The following ACTR3C variants were observed in gnomAD, a reference collection of about 807,000 sequenced individuals.
The protein encoded by ACTR3C is actin-related protein 3C.
In ACTR3C, 18 loss-of-function variants were observed where a neutral mutation model predicts 26.3. That is an observed-to-expected ratio of 0.68 (90% CI 0.47 to 1.01). ACTR3C has a LOEUF of 1.01. Ranked by LOEUF, ACTR3C falls within the 50% of genes least tolerant of loss-of-function variation. ACTR3C has a pLI of 0.00. For synonymous variants in ACTR3C, 55 were observed against 94.5 expected, an observed-to-expected ratio of 0.58 and a Z score of 2.42; for missense variants, 184 against 250.7, an observed-to-expected ratio of 0.73 and a Z score of 1.80.
chr7:150,166,696 T>TA, the ACTR3C span, among the ~76,000 whole-genome samples: 256 of 141,912 alleles, frequency 1.8e-3, 2 homozygotes, highest in South Asian at 2.2e-3. Flanking sequence ...TAGATTCCAT[T>TA]AAAAAAAAAA....
the ACTR3C span, among the ~76,000 whole-genome samples, chr7:150,050,065 C>G: frequency 6.6e-6 from 1 of 152,008 alleles, no homozygotes; most frequent in Non-Finnish European, 1.5e-5. Context: ...AAACCTTGCT[C>G]TCAACCCCCT....
chr7:149,967,127 T>TG, the ACTR3C span, among the ~76,000 whole-genome samples: 8 of 135,014 alleles, frequency 5.9e-5, no homozygotes, highest in Non-Finnish European at 1.1e-4. Flanking sequence ...CTCCGCCTCC[T>TG]GGGTTTGTGC....
chr7:150,154,967 T>A, the ACTR3C span, among the ~76,000 whole-genome samples: 37 of 152,250 alleles, frequency 2.4e-4, no homozygotes, highest in Admixed American at 1.2e-3. Context: ...ATCCTGTCCC[T>A]CCCCTGGCCC....
the ACTR3C span, among the ~76,000 whole-genome samples, chr7:150,164,421 C>T: frequency 6.6e-6 from 1 of 152,202 alleles, no homozygotes; most frequent in Non-Finnish European, 1.5e-5. Context: ...GTCCCTGACA[C>T]ATTAAACATG....
At chr7:150,025,748 C>A in the ACTR3C span, among the ~76,000 whole-genome samples, 1 of 152,120 alleles carries the variant, frequency 6.6e-6, no homozygotes, top group Non-Finnish European at 1.5e-5. Context: ...GTCATGGGTA[C>A]AACCGGCTTA....
the ACTR3C span, among the ~76,000 whole-genome samples, chr7:150,174,249 C>T: frequency 3.2e-3 from 442 of 139,230 alleles, 32 homozygotes; most frequent in Middle Eastern, 7.0e-3. Flanking sequence ...ACATGGCTGG[C>T]GGGAGGCCTC....
chr7:150,299,913 T>C (rs1165583984), intron 1 of ACTR3C, among the ~76,000 whole-genome samples: 1 of 152,106 alleles, frequency 6.6e-6, no homozygotes. Flanking sequence ...ATAGTTAACA[T>C]TACAGAATTG....
the ACTR3C span, among the ~76,000 whole-genome samples, chr7:150,063,309 G>A: frequency 6.6e-6 from 1 of 151,384 alleles, no homozygotes; most frequent in Non-Finnish European, 1.5e-5. Flanking sequence ...GTGACTGCAG[G>A]CTGGAGACTG....
chr7:150,142,067 G>T, the ACTR3C span, among the ~76,000 whole-genome samples: 1 of 152,150 alleles, frequency 6.6e-6, no homozygotes, highest in Non-Finnish European at 1.5e-5. Context: ...CCCCGCCTCC[G>T]ATGATTCTAG....
At chr7:150,213,369 T>G in the ACTR3C span, among the ~76,000 whole-genome samples, 1 of 152,136 alleles carries the variant, frequency 6.6e-6, no homozygotes, top group Admixed American at 6.5e-5. Context: ...AGTCAGTGGC[T>G]GATCTAATCA....
the ACTR3C span, among the ~76,000 whole-genome samples, chr7:149,913,570 A>G: frequency 1.3e-5 from 2 of 151,898 alleles, no homozygotes; most frequent in Non-Finnish European, 2.9e-5. Context: ...GGCTGACCAG[A>G]TCACCTGGGA....
chr7:150,147,186 A>G, the ACTR3C span, among the ~76,000 whole-genome samples: 1 of 152,186 alleles, frequency 6.6e-6, no homozygotes, highest in Admixed American at 6.5e-5. Context: ...GCATATGAAA[A>G]TATCATTCCC....
chr7:150,093,899 C>T, the ACTR3C span, among the ~76,000 whole-genome samples: 5 of 150,844 alleles, frequency 3.3e-5, no homozygotes, highest in Admixed American at 6.6e-5. Context: ...TTATCGAGGG[C>T]TTCCTGCGTG....
At chr7:150,151,235 T>G in the ACTR3C span, among the ~76,000 whole-genome samples, 2 of 136,398 alleles carry the variant, frequency 1.5e-5, 1 homozygote, top group Non-Finnish European at 3.2e-5. Context: ...TCTGTTTAGC[T>G]ACTTAAATAC....
At chr7:150,150,477 C>T in the ACTR3C span, among the ~76,000 whole-genome samples, 1 of 151,020 alleles carries the variant, frequency 6.6e-6, no homozygotes, top group South Asian at 2.2e-4. Flanking sequence ...CTCTGTGTAG[C>T]TGCTCCATGC....
the ACTR3C span, among the ~76,000 whole-genome samples, chr7:150,017,330 C>T: frequency 6.6e-6 from 1 of 151,804 alleles, no homozygotes; most frequent in African/African-American, 2.4e-5. Flanking sequence ...CTTTCTTAAA[C>T]TTCCTTGAAG....
chr7:150,011,704 C>G, the ACTR3C span, among the ~76,000 whole-genome samples: 1 of 152,140 alleles, frequency 6.6e-6, no homozygotes, highest in Non-Finnish European at 1.5e-5. Flanking sequence ...ATTTCAGGGT[C>G]AGTTTCTCAA....
the ACTR3C span, among the ~76,000 whole-genome samples, chr7:149,904,350 T>C: frequency 0.17 from 25,911 of 150,624 alleles, 2,459 homozygotes; most frequent in Non-Finnish European, 0.22. Flanking sequence ...GCCAACATAG[T>C]GAAATCCCGT....
chr7:150,040,307 C>A, the ACTR3C span, among the ~76,000 whole-genome samples: 8 of 146,430 alleles, frequency 5.5e-5, no homozygotes, highest in Admixed American at 1.3e-4. Context: ...GGTTAAAAGT[C>A]CAGCTGCCAT....
Sources: gnomAD v4.1 joint callset for allele counts (sites outside exome capture counted in the v4.1 genomes callset) on GRCh38, gnomAD v4.1.1 for gene constraint, MANE v1.5 for transcripts, NCBI Gene and HGNC (gene_info 2026-07-23, HGNC 2026-07-21) for gene names.